Variants in DLC1 observed in about 807,000 individuals in gnomAD.
DLC1 encodes DLC1 Rho GTPase activating protein.
In DLC1, 54 loss-of-function variants were observed where a neutral mutation model predicts 140.3. The ratio of observed to expected loss-of-function variants is 0.38; its 90% CI spans 0.31 to 0.48. The LOEUF is 0.48. DLC1 is among the 20% of genes least tolerant of loss of function. The pLI is 0.96. For synonymous variants in DLC1, 986 were observed against 728.1 expected (o/e 1.35, Z -5.70); for missense variants, 2,536 against 1,907.0 (o/e 1.33, Z -6.14).
At chr8:13,206,780 C>T (rs781259281) in intron 5 of DLC1, among the ~76,000 whole-genome samples, 3 of 151,736 alleles carry the variant, frequency 2.0e-5, no homozygotes, top group Non-Finnish European at 4.4e-5. Context: ...AGGGAGTGGC[C>T]ACAAACACCA....
chr8:13,170,864 T>A (rs1430296800), intron 5 of DLC1, among the ~76,000 whole-genome samples: 3 of 152,192 alleles, frequency 2.0e-5, no homozygotes, highest in African/African-American at 4.8e-5. Flanking sequence ...GAAGAGGTGT[T>A]CTCAGTCGTG....
intron 5 of DLC1, among the ~76,000 whole-genome samples, chr8:13,171,443 C>G (rs927054984): frequency 2.0e-5 from 3 of 148,798 alleles, no homozygotes; most frequent in Non-Finnish European, 4.5e-5. Context: ...AGTGCTGTCA[C>G]CCAGACTGGA....
intron 5 of DLC1, among the ~76,000 whole-genome samples, chr8:13,242,775 C>G (rs1182838689): frequency 5.9e-5 from 9 of 152,014 alleles, no homozygotes; most frequent in Non-Finnish European, 1.2e-4. Context: ...GTGTGTAAAT[C>G]AGAAGGAATT....
intron 1 of DLC1, among the ~76,000 whole-genome samples, chr8:13,554,096 T>C (rs1158882993): frequency 6.6e-6 from 1 of 152,136 alleles, no homozygotes; most frequent in Non-Finnish European, 1.5e-5. Context: ...AGACAGAGTC[T>C]CACTCTGTGG....
chr8:13,203,974 T>C (rs1827530653), intron 5 of DLC1, among the ~76,000 whole-genome samples: 2 of 152,202 alleles, frequency 1.3e-5, no homozygotes, highest in Non-Finnish European at 1.5e-5. Context: ...ACAGACTTCA[T>C]AGCATTAGTA....
intron 5 of DLC1, among the ~76,000 whole-genome samples, chr8:13,163,098 C>G (rs1824843585): frequency 6.6e-6 from 1 of 152,102 alleles, no homozygotes; most frequent in Non-Finnish European, 1.5e-5. Context: ...CATGAAGAGG[C>G]TGAAAGACAG....
At chr8:13,602,440 T>G (rs945068361) in intron 1 of DLC1, among the ~76,000 whole-genome samples, 3 of 151,834 alleles carry the variant, frequency 2.0e-5, no homozygotes, top group Non-Finnish European at 4.4e-5. Flanking sequence ...TCCAGTAATT[T>G]AAAGAAGAGA....
chr8:13,155,672 T>C (rs1160736909), intron 5 of DLC1, among the ~76,000 whole-genome samples: 1 of 152,158 alleles, frequency 6.6e-6, no homozygotes, highest in Non-Finnish European at 1.5e-5. Context: ...ATTATGACTC[T>C]GATAAAAATT....
At chr8:13,366,472 G>A (rs1005824072) in intron 4 of DLC1, among the ~76,000 whole-genome samples, 2 of 152,160 alleles carry the variant, frequency 1.3e-5, no homozygotes, top group African/African-American at 4.8e-5. Flanking sequence ...CACTATGAGT[G>A]ATATTCTAGC....
intron 2 of DLC1, among the ~76,000 whole-genome samples, chr8:13,426,161 A>C (rs1838574690): frequency 6.6e-6 from 1 of 152,116 alleles, no homozygotes. Flanking sequence ...GATTGGATAC[A>C]AATTGAAAAG....
intron 1 of DLC1, among the ~76,000 whole-genome samples, chr8:13,565,417 A>G (rs1342834087): frequency 1.3e-5 from 2 of 152,242 alleles, no homozygotes; most frequent in African/African-American, 2.4e-5. Context: ...AGAGATTTGA[A>G]ATAATAAATA....
At chr8:13,344,462 T>C (rs2463807) in intron 4 of DLC1, among the ~76,000 whole-genome samples, 140,941 of 152,270 alleles carry the variant, frequency 0.93, 65,867 homozygotes, top group East Asian at 1. Context: ...CGTTGCACTC[T>C]AGCCTGGGCA....
intron 5 of DLC1, among the ~76,000 whole-genome samples, chr8:13,268,875 T>C (rs1163708298): frequency 6.9e-6 from 1 of 144,408 alleles, no homozygotes; most frequent in Non-Finnish European, 1.5e-5. Flanking sequence ...TTCCTTCCTT[T>C]TTTTTTTTTT....
intron 4 of DLC1, among the ~76,000 whole-genome samples, chr8:13,387,896 A>T (rs1836593376): frequency 6.6e-6 from 1 of 152,024 alleles, no homozygotes; most frequent in Non-Finnish European, 1.5e-5. Context: ...GAATGACTGA[A>T]CCGTGAAAAC....
intron 5 of DLC1, among the ~76,000 whole-genome samples, chr8:13,188,811 ATATATATATATATATG>A (rs1256256691): frequency 1.6e-4 from 6 of 36,986 alleles, no homozygotes; most frequent in African/African-American, 5.9e-4. Context: ...GTATATATAT[ATATATATATATATATG>A]TATATATATA....
At chr8:13,188,817 A>G (rs1191185266) in intron 5 of DLC1, among the ~76,000 whole-genome samples, 65 of 54,590 alleles carry the variant, frequency 1.2e-3, no homozygotes, top group African/African-American at 4.5e-3. Context: ...ATATATATAT[A>G]TATATATATG....
At chr8:13,582,755 C>G (rs1805153065) in intron 1 of DLC1, among the ~76,000 whole-genome samples, 3 of 151,036 alleles carry the variant, frequency 2.0e-5, no homozygotes, top group African/African-American at 7.3e-5. Context: ...TACAGGAACT[C>G]ACAGATTTTG....
chr8:13,117,935 GTATT>G (rs954527857), intron 5 of DLC1, among the ~76,000 whole-genome samples: 16 of 150,322 alleles, frequency 1.1e-4, no homozygotes, highest in African/African-American at 3.9e-4. Flanking sequence ...ACTTTACAAA[GTATT>G]TATTTAAGGT....
chr8:13,352,959 C>G (rs1289056860), intron 4 of DLC1, among the ~76,000 whole-genome samples: 9 of 152,116 alleles, frequency 5.9e-5, no homozygotes, highest in Non-Finnish European at 8.8e-5. Context: ...AAAAATCCAT[C>G]TTAGTAAAAC....
Sources: gnomAD v4.1 joint callset for allele counts (sites outside exome capture counted in the v4.1 genomes callset) on GRCh38, gnomAD v4.1.1 for gene constraint, MANE v1.5 for transcripts, NCBI Gene and HGNC (gene_info 2026-07-23, HGNC 2026-07-21) for gene names.